KATNB1: variants seen among roughly 807,000 people sequenced by gnomAD.
KATNB1 encodes katanin regulatory subunit B1.
In KATNB1, 38 loss-of-function variants were observed where a neutral mutation model predicts 82.3. The observed-to-expected ratio is 0.46, with a 90% CI of 0.36 to 0.61. KATNB1 has a LOEUF of 0.61. Among genes scored for constraint, KATNB1 ranks in the 20% least tolerant of loss-of-function variants. KATNB1 has a pLI of 0.00. For synonymous variants in KATNB1, 361 were observed against 368.7 expected, an observed-to-expected ratio of 0.98 and a Z score of 0.24; for missense variants, 749 against 915.7, an observed-to-expected ratio of 0.82 and a Z score of 2.35.
At chr16:57,752,310 C>A in intron 8 of KATNB1, 1 of 626,574 alleles carries the variant, frequency 1.6e-6, no homozygotes. Flanking sequence ...AGTGGGACCC[C>A]ATAGGGCAGG....
chr16:57,756,005 C>T lies in KATNB1; in HGVS notation c.1657C>T (p.Leu553=). 1.9e-6 allele frequency: 3 copies of T among 1,613,012 alleles called. No homozygotes were observed. The highest frequency in any genetic ancestry group is 3.3e-4 in the Middle Eastern group (2 of 6,060). The change falls in exon 18 of 20, where the codon CTG becomes TTG. Residue 553 remains leucine (L), a synonymous_variant. Coordinates refer to ENST00000379661, the MANE Select transcript of KATNB1 (RefSeq NM_005886.3). ...IVNQKASLWK[L]DLCTTVLPQI... The stretch of plus-strand genomic sequence containing the variant: ...GGCCTCTCCTAGCTCCCTGTGGAAG[C>T]TGGACCTGTGCACCACCGTCCTGCC...
chr16:57,739,592 C>G (rs1336766400), intron 2 of KATNB1, among the ~76,000 whole-genome samples: 1 of 152,182 alleles, frequency 6.6e-6, no homozygotes, highest in African/African-American at 2.4e-5. Context: ...AGGAGGAGCT[C>G]TTGGGGTGGT....
chr16:57,752,666 G>T (rs1343039664), intron 9 of KATNB1, 65 bp downstream of exon 9: 9 of 1,545,838 alleles, frequency 5.8e-6, no homozygotes, highest in Non-Finnish European at 7.9e-6. Context: ...CTGTGGGTGG[G>T]CCTTTCCCAT....
chr16:57,754,972 TG>T lies in KATNB1; in HGVS notation c.1273del (p.Asp425MetfsTer41). 6.2e-7 allele frequency: 1 copy of T among 1,614,074 alleles called. No individual in the cohort carries two copies. The highest frequency in any genetic ancestry group is 8.5e-7 in the Non-Finnish European group (1 of 1,180,030). On this transcript the variant is annotated frameshift_variant, in exon 14 of 20. Coordinates refer to ENST00000379661, the MANE Select transcript of KATNB1 (RefSeq NM_005886.3). LOFTEE classifies it high-confidence loss of function. ...GAGGCAGCAAAGCCCAGCCCTGCCA[TG>T]GATGTGCAGTTCCCGGTGCCAAATG... ...AKEAAKPSPA[M>X]DVQFPVPNLE...
intron 16 of KATNB1, 161 bp downstream of exon 16, chr16:57,755,655 T>TCAC (rs2049270354): frequency 1.9e-6 from 2 of 1,056,820 alleles, no homozygotes; most frequent in South Asian, 3.2e-5. Flanking sequence ...ATCATCATCA[T>TCAC]CACAGACTGC....
intron 2 of KATNB1, among the ~76,000 whole-genome samples, chr16:57,739,216 T>C (rs1431674156): frequency 6.6e-6 from 1 of 152,204 alleles, no homozygotes; most frequent in East Asian, 1.9e-4. Flanking sequence ...ATCAGGCGTA[T>C]TGGGCATCTG....
At chr16:57,738,418 G>C (rs1026657772) in intron 2 of KATNB1, among the ~76,000 whole-genome samples, 8 of 152,130 alleles carry the variant, frequency 5.3e-5, no homozygotes, top group African/African-American at 1.9e-4. Flanking sequence ...ACCACACCCG[G>C]CTAATTTTTG....
chr16:57,755,489 A>T lies in KATNB1; in HGVS notation c.1561A>T (p.Ile521Phe). 1 of 1,612,514 alleles carries T rather than the reference A, an allele frequency of 6.2e-7. No individual in the cohort carries two copies. The highest frequency in any genetic ancestry group is 8.5e-7 in the Non-Finnish European group (1 of 1,179,458). Residue 521 changes from isoleucine to phenylalanine, a missense_variant, in exon 16 of 20, where the codon ATC becomes TTC. Ile to Phe is a conservative substitution (Grantham distance 21, BLOSUM62 0). Transcript: ENST00000379661. ...TVRAVWTMGD[I>F]KTSVDSAVAI... The stretch of plus-strand genomic sequence containing the variant: ...GCGGGCTGTGTGGACCATGGGCGAC[A>T]TCAAGGCAAGTGCCCACCCTTGCAC...
chr16:57,750,989 G>A lies in KATNB1; in HGVS notation c.390+62G>A, dbSNP rs142208582. ...GCCTGTGGCAGGACCAGCCCGGCCC[G>A]GCCCTCAGTGCTGGATGCCTGCTGA... On this transcript the variant is annotated intron_variant, in intron 5 of 19. Coordinates refer to ENST00000379661, the MANE Select transcript of KATNB1 (RefSeq NM_005886.3). 6.6e-3 allele frequency: 8,913 copies of A among 1,357,600 alleles called. 46 individuals are homozygous for A. Among genetic ancestry groups the A allele is most frequent in the Non-Finnish European group, 7.6e-3 (7,190 of 948,662 alleles). The allele number at this position is 1,357,600 out of a possible 1,614,324, so 84.1% of individuals were successfully genotyped here. A position where few individuals can be genotyped will look rare whatever the true frequency, so the allele number is the denominator to read the frequency against.
In KATNB1 at chr16:57,751,847, T is replaced by C. The variant is rs2049230570; in HGVS notation, c.517-93T>C. The C allele has an allele frequency of 7.2e-7, 1 of 1,394,504 alleles. No individual in the cohort carries two copies. Among genetic ancestry groups the C allele is most frequent in the Admixed American group, 1.8e-5 (1 of 56,436 alleles). The allele number at this position is 1,394,504 out of a possible 1,614,324, so 86.4% of individuals were successfully genotyped here. A position where few individuals can be genotyped will look rare whatever the true frequency, so the allele number is the denominator to read the frequency against. ...TCCCAAGCCTATCCCGAGTGGAAGG[T>C]AGCTTGTGGATAAAGAGCTTGGCCT... On this transcript the variant is annotated intron_variant, in intron 7 of 19. Coordinates refer to ENST00000379661, the MANE Select transcript of KATNB1 (RefSeq NM_005886.3). This position sits in a 1 kb window ranked among gnomAD's most constrained non-coding sequence, Gnocchi z 6.3.
chr16:57,745,822 A>G (rs151009380), intron 4 of KATNB1, among the ~76,000 whole-genome samples: 93 of 150,648 alleles, frequency 6.2e-4, no homozygotes, highest in African/African-American at 2.2e-3. Context: ...TGTGTTTTCT[A>G]TGTCCATATT....
chr16:57,755,886 G>A lies in KATNB1; in HGVS notation c.1612G>A (p.Val538Met). ...GGCCATCAACGACCTGTCGGTGGTG[G>A]TGGACCTCCTGAACATCGTCAACCA... ...AVAINDLSVVVDLLNIVNQKA... is the reference protein window; with the variant it reads ...AVAINDLSVVMDLLNIVNQKA... The change falls in exon 17 of 20, where the codon GTG becomes ATG. Residue 538 changes from valine (V) to methionine (M), a missense_variant. Coordinates refer to ENST00000379661, the MANE Select transcript of KATNB1 (RefSeq NM_005886.3). 3 of 1,597,998 alleles carry A rather than the reference G, an allele frequency of 1.9e-6. No homozygotes were observed. Among genetic ancestry groups the A allele is most frequent in the Non-Finnish European group, 2.6e-6 (3 of 1,167,592 alleles).
chr16:57,745,573 A>T (rs1256541769), intron 4 of KATNB1, among the ~76,000 whole-genome samples: 1 of 151,752 alleles, frequency 6.6e-6, no homozygotes, highest in Non-Finnish European at 1.5e-5. Flanking sequence ...CAAAAAAAAA[A>T]AAAAAAGTTA....
At chr16:57,753,605 C>G in intron 12 of KATNB1, 86 bp downstream of exon 12, 1 of 1,534,728 alleles carries the variant, frequency 6.5e-7, no homozygotes, top group South Asian at 1.2e-5. Flanking sequence ...TGCTGTGGCT[C>G]CGCATCCCTT....
chr16:57,736,786 TTTCCTTACGTTCCAAATCACCC>T, intron 1 of KATNB1, 170 bp from the exon 2 acceptor site: 1 of 347,860 alleles, frequency 2.9e-6, no homozygotes, highest in South Asian at 2.3e-5. Context: ...GGAGTTTCTT[TTTCCTTACGTTCCAAATCACCC>T]TACCTGAGGT....
chr16:57,752,806 T>A lies in KATNB1; in HGVS notation c.733T>A (p.Cys245Ser). Reference sequence around the variant, plus strand: ...CGTCCTCTTCAACCCAGACGGCTGCTGCCTGTACAGCGGCTGCCAGGACTC... The same window carrying A: ...CGTCCTCTTCAACCCAGACGGCTGCAGCCTGTACAGCGGCTGCCAGGACTC... ...RSVLFNPDGCCLYSGCQDSLR... is the reference protein window; with the variant it reads ...RSVLFNPDGCSLYSGCQDSLR... The change falls in exon 10 of 20, where the codon TGC (cysteine) becomes AGC (serine). Residue 245 changes from cysteine to serine, a missense_variant. Cys to Ser is a moderately radical substitution (Grantham distance 112). Coordinates refer to ENST00000379661, the MANE Select transcript of KATNB1 (RefSeq NM_005886.3). 1 of 1,611,246 alleles carries A rather than the reference T, an allele frequency of 6.2e-7. No individual in the cohort carries two copies. Among genetic ancestry groups the A allele is most frequent in the Non-Finnish European group, 8.5e-7 (1 of 1,179,698 alleles).
chr16:57,737,978 A>G (rs1043440240), intron 2 of KATNB1, among the ~76,000 whole-genome samples: 1 of 152,246 alleles, frequency 6.6e-6, no homozygotes, highest in Non-Finnish European at 1.5e-5. Context: ...ATGTTCTGGG[A>G]AACTCCACCA....
chr16:57,746,425 G>A lies in KATNB1; in HGVS notation c.289+1914G>A, dbSNP rs117850575. Among the ~76,000 whole-genome samples the A allele has an allele frequency of 7.7e-3, 1,178 of 152,264 alleles. 25 individuals carry two copies. Among genetic ancestry groups the A allele is most frequent in the South Asian group, 0.034 (164 of 4,818 alleles). ...AGGGTCTTTGTCCCAGTGTTCTGGT[G>A]TGGTGAGCCTTGGGGTGGGTCTGCT... On this transcript the variant is annotated intron_variant, in intron 4 of 19. Coordinates refer to ENST00000379661, the MANE Select transcript of KATNB1 (RefSeq NM_005886.3).
rs1268922660 is a variant in KATNB1, at chr16:57,754,529, C to T, written c.1229-401C>T. The stretch of plus-strand genomic sequence containing the variant: ...AATGATCTGCACTGTGGTTGGAGAA[C>T]GGGCAGGCATGGGGCCACCTGTCCT... On this transcript the variant is annotated intron_variant, in intron 13 of 19. Transcript: ENST00000379661. Among the ~76,000 whole-genome samples the T allele has an allele frequency of 4.6e-5, 7 of 152,172 alleles. No individual in the cohort carries two copies. In the East Asian group the frequency reaches 9.6e-4, roughly 21 times the overall value.
Sources: gnomAD v4.1 joint callset for allele counts (sites outside exome capture counted in the v4.1 genomes callset) on GRCh38, gnomAD v4.1.1 for gene constraint, Gnocchi (gnomAD v3.1) non-coding constraint, MANE v1.5 for transcripts, NCBI Gene and HGNC (gene_info 2026-07-23, HGNC 2026-07-21) for gene names.